MORN4: variants seen among roughly 807,000 people sequenced by gnomAD.
MORN4 encodes MORN repeat containing 4.
MORN4 carries 8 observed loss-of-function variants against 16.4 expected under a neutral mutation model. That is an observed-to-expected ratio of 0.49 (90% CI 0.29 to 0.88). The LOEUF (loss-of-function observed/expected upper bound fraction) is 0.88, where lower values mean the gene tolerates loss of function less well. MORN4 is among the 40% of genes least tolerant of loss of function. The probability of loss-of-function intolerance (pLI) is 0.09; values close to 1 mark genes in which losing one functional copy is unlikely to be tolerated. For synonymous variants in MORN4, 53 were observed against 68.9 expected, an observed-to-expected ratio of 0.77 and a Z score of 1.14; for missense variants, 159 against 182.9, an observed-to-expected ratio of 0.87 and a Z score of 0.75.
chr10:97,632,485 G>A (rs889951706), intron 1 of MORN4, among the ~76,000 whole-genome samples: 18 of 151,874 alleles, frequency 1.2e-4, no homozygotes, highest in Non-Finnish European at 1.5e-4. Context: ...CCAAAGTGTT[G>A]GGATTACAGG....
intron 1 of MORN4, among the ~76,000 whole-genome samples, chr10:97,630,149 G>A (rs2041383851): frequency 6.6e-6 from 1 of 151,940 alleles, no homozygotes; most frequent in Non-Finnish European, 1.5e-5. Flanking sequence ...GGATGGTCTC[G>A]ATCTCCTGAC....
At chr10:97,620,290 C>T (rs1291734269) in intron 1 of MORN4, among the ~76,000 whole-genome samples, 1 of 151,576 alleles carries the variant, frequency 6.6e-6, no homozygotes, top group Non-Finnish European at 1.5e-5. Flanking sequence ...TTGTTTGAGA[C>T]CAGCCTGGCC....
chr10:97,631,761 T>C (rs1226701361), intron 1 of MORN4, among the ~76,000 whole-genome samples: 1 of 151,960 alleles, frequency 6.6e-6, no homozygotes, highest in Non-Finnish European at 1.5e-5. Flanking sequence ...TAGTGAGACC[T>C]CATCTCTACA....
intron 1 of MORN4, among the ~76,000 whole-genome samples, chr10:97,625,345 T>TCTCA (rs1424946156): frequency 1.3e-5 from 2 of 152,188 alleles, no homozygotes; most frequent in Non-Finnish European, 2.9e-5. Flanking sequence ...TATCTCTAAA[T>TCTCA]CTCAGTCTCC....
rs1220163769 is a variant in MORN4 at position 97,615,642 on chromosome 10, T to G, written c.*621A>C. The stretch of plus-strand genomic sequence containing the variant: ...CAGGAAGCTGAGGCAGGGGAATTGC[T>G]TGAACCTGGGAGGCAGAAGTTGCAG... On this transcript the variant is annotated 3_prime_UTR_variant, in exon 5 of 5. Transcript: ENST00000307450. 6.6e-6 allele frequency: 1 copy of G among 152,006 alleles called. No individual in the cohort carries two copies. Among genetic ancestry groups the G allele is most frequent in the Non-Finnish European group, 1.5e-5 (1 of 68,010 alleles). 9.4% of individuals were successfully genotyped at this position (152,006 alleles called of 1,614,324 possible). A position where few individuals can be genotyped will look rare whatever the true frequency, so the allele number is the denominator to read the frequency against.
intron 1 of MORN4, among the ~76,000 whole-genome samples, chr10:97,623,954 T>A (rs976522317): frequency 1.3e-5 from 2 of 152,058 alleles, no homozygotes; most frequent in Non-Finnish European, 2.9e-5. Flanking sequence ...GCCAGGATGG[T>A]CTCAATCTCC....
intron 1 of MORN4, among the ~76,000 whole-genome samples, chr10:97,629,310 C>T (rs1219557113): frequency 6.6e-6 from 1 of 152,174 alleles, no homozygotes; most frequent in East Asian, 1.9e-4. Context: ...TTGCTTAACC[C>T]AGGAGGCGGA....
chr10:97,616,539 C>T, intron 4 of MORN4, 128 bp from the exon 5 acceptor site: 3 of 1,281,894 alleles, frequency 2.3e-6, no homozygotes, highest in Non-Finnish European at 2.2e-6. Flanking sequence ...CAGGAGTACT[C>T]TATTGATGAG....
Position 97,616,234 on chromosome 10 carries a change from A to T in MORN4, c.*29T>A. 1 of 1,542,732 alleles carries T rather than the reference A, an allele frequency of 6.5e-7. No individual in the cohort carries two copies. ...ACAACAGGGGCACTGGCTTTACCCA[A>T]TACTTATCAGCTGGTGCCCACTGCG... On this transcript the variant is annotated 3_prime_UTR_variant, in exon 5 of 5. Coordinates refer to ENST00000307450, the MANE Select transcript of MORN4 (RefSeq NM_178832.4).
chr10:97,623,451 A>G (rs1479351793), intron 1 of MORN4, among the ~76,000 whole-genome samples: 1 of 152,158 alleles, frequency 6.6e-6, no homozygotes, highest in Non-Finnish European at 1.5e-5. Context: ...CTCCAAAAAA[A>G]AAGTCCCCTC....
chr10:97,617,055 T>G (rs144875620), intron 3 of MORN4, among the ~76,000 whole-genome samples, 153 bp downstream of exon 3: 11 of 152,158 alleles, frequency 7.2e-5, no homozygotes, highest in Non-Finnish European at 1.6e-4. Context: ...TAGGTCCACT[T>G]AAAAAATAGC....
chr10:97,621,103 A>G (rs2041289031), intron 1 of MORN4, among the ~76,000 whole-genome samples: 1 of 151,170 alleles, frequency 6.6e-6, no homozygotes, highest in African/African-American at 2.5e-5. Flanking sequence ...CCTGGGTGAC[A>G]GAGCAAGACT....
rs2041261017 is a variant in MORN4, at chr10:97,618,674, G to A, written c.67+913C>T. Among the ~76,000 whole-genome samples the A allele has an allele frequency of 2.0e-5, 3 of 152,168 alleles. No individual in the cohort carries two copies. The South Asian group carries it at 6.2e-4, about 32-fold the overall frequency. On this transcript the variant is annotated intron_variant, in intron 2 of 4. Coordinates refer to ENST00000307450, the MANE Select transcript of MORN4 (RefSeq NM_178832.4). ...CTGCAACATCTTGCTCTGTTTTCTG[G>A]TCAGTTCAGAGAGTAAGCACAGCCC...
chr10:97,624,945 G>A (rs915778388), intron 1 of MORN4, among the ~76,000 whole-genome samples: 23 of 152,058 alleles, frequency 1.5e-4, no homozygotes, highest in Non-Finnish European at 2.5e-4. Flanking sequence ...CACCTGCCGC[G>A]GCCTCCCAAA....
Position 97,616,342 on chromosome 10 carries a change from A to G in MORN4, c.362T>C (p.Leu121Pro), listed in dbSNP as rs531560698. The G allele has an allele frequency of 6.2e-7, 1 of 1,613,314 alleles. No individual in the cohort carries two copies. The highest frequency in any genetic ancestry group is 2.2e-5 in the East Asian group (1 of 44,854). ...RNEGLFENNK[L>P]LRREKCSAIV... is the part of the protein sequence containing the mutation. Reference sequence around the variant, plus strand: ...GGCAGAACACTTCTCACGTCGCAGCAGCTTGTTGTTCTCAAAGAGACCTTC... The same window carrying G: ...GGCAGAACACTTCTCACGTCGCAGCGGCTTGTTGTTCTCAAAGAGACCTTC... Residue 121 changes from leucine (L) to proline (P), a missense_variant, in exon 5 of 5, where the codon CTG becomes CCG. Leu to Pro is a moderately conservative substitution (Grantham distance 98). Transcript: ENST00000307450.
intron 1 of MORN4, among the ~76,000 whole-genome samples, chr10:97,621,602 G>A (rs987756442): frequency 4.6e-5 from 7 of 152,242 alleles, no homozygotes; most frequent in Middle Eastern, 3.4e-3. Flanking sequence ...AGAGTTGGCC[G>A]GGTGCGGTGG....
At chr10:97,626,694 G>A (rs1352555605) in intron 1 of MORN4, among the ~76,000 whole-genome samples, 3 of 151,092 alleles carry the variant, frequency 2.0e-5, no homozygotes, top group South Asian at 2.1e-4. Flanking sequence ...GACCTCAGGT[G>A]AGCCACCCAT....
In MORN4 at chr10:97,629,213, C is replaced by T. The variant is rs539888497; in HGVS notation, c.-31+4134G>A. 1.2e-3 allele frequency among the ~76,000 whole-genome samples: 187 copies of T among 152,180 alleles called. 1 individual carries two copies. The highest frequency in any genetic ancestry group is 3.2e-3 in the Admixed American group (49 of 15,286). On this transcript the variant is annotated intron_variant, in intron 1 of 4. Transcript: ENST00000307450. The stretch of plus-strand genomic sequence containing the variant: ...GACCAGCCTGACCAACATGGAGAAA[C>T]CCCATCTCTACTAAAAATACAAAAT...
intron 1 of MORN4, among the ~76,000 whole-genome samples, chr10:97,622,058 C>T (rs1031943600): frequency 3.3e-5 from 5 of 152,214 alleles, no homozygotes; most frequent in African/African-American, 1.2e-4. Context: ...ATCTAGTCTA[C>T]TGGATGGTGA....
Sources: gnomAD v4.1 joint callset for allele counts (sites outside exome capture counted in the v4.1 genomes callset) on GRCh38, gnomAD v4.1.1 for gene constraint, MANE v1.5 for transcripts, NCBI Gene and HGNC (gene_info 2026-07-23, HGNC 2026-07-21) for gene names.